Variants in RB1 observed in about 807,000 individuals in gnomAD.
The protein encoded by RB1 is RB transcriptional corepressor 1, also known as retinoblastoma-associated protein.
A neutral mutation model predicts 135.4 loss-of-function variants in RB1; 18 were observed. That is an observed-to-expected ratio of 0.13 (90% confidence interval 0.09 to 0.20). The LOEUF is 0.20. Ranked by LOEUF, RB1 falls within the 10% of genes least tolerant of loss-of-function variation. The pLI is 1.00. For synonymous variants in RB1, 365 were observed against 373.2 expected (o/e 0.98, Z 0.25); for missense variants, 868 against 1,110.0 (o/e 0.78, Z 3.10).
intron 20 of RB1, among the ~76,000 whole-genome samples, chr13:48,462,415 A>G (rs941568039): frequency 1.3e-5 from 2 of 152,202 alleles, no homozygotes; most frequent in African/African-American, 4.8e-5. Context: ...ATGAGCCACC[A>G]TGCCCAGACT....
At chr13:48,339,720 G>A (rs1952425603) in intron 2 of RB1, among the ~76,000 whole-genome samples, 1 of 152,142 alleles carries the variant, frequency 6.6e-6, no homozygotes, top group South Asian at 2.1e-4. Flanking sequence ...GATGAACCTG[G>A]TACCTCAGTT....
chr13:48,376,880 G>C (rs2138136016), intron 12 of RB1, 38 bp from the exon 13 acceptor site: 1 of 1,611,706 alleles, frequency 6.2e-7, no homozygotes, highest in South Asian at 1.1e-5. Context: ...TGATTACACA[G>C]TATCCTCGAC....
intron 12 of RB1, among the ~76,000 whole-genome samples, chr13:48,375,532 C>G (rs1263163392): frequency 2.0e-5 from 3 of 149,316 alleles, no homozygotes; most frequent in African/African-American, 7.3e-5. Context: ...GAAAATGTCG[C>G]CAGACAATGC....
chr13:48,480,318 T>C lies in RB1; in HGVS notation c.*247T>C, dbSNP rs1290634381. 1 of 536,808 alleles carries C rather than the reference T, an allele frequency of 1.9e-6. No homozygotes were observed. The highest frequency in any genetic ancestry group is 1.9e-5 in the African/African-American group (1 of 52,788). 33.3% of individuals were successfully genotyped at this position (536,808 alleles called of 1,614,324 possible). On this transcript the variant is annotated 3_prime_UTR_variant, in exon 27 of 27. Coordinates refer to ENST00000267163, the MANE Select transcript of RB1 (RefSeq NM_000321.3). ...CTGCCATTTAAAAAGTTGTAGCAGA[T>C]TGTTTCCTCTTCCAAAGTAAAATTG...
intron 17 of RB1, among the ~76,000 whole-genome samples, chr13:48,384,370 G>A (rs972121675): frequency 7.6e-4 from 115 of 152,216 alleles, no homozygotes; most frequent in African/African-American, 2.7e-3. Context: ...AGGATACTGT[G>A]TATTTTTCCT....
At chr13:48,363,402 A>G (rs1006058397) in intron 8 of RB1, among the ~76,000 whole-genome samples, 3 of 152,080 alleles carry the variant, frequency 2.0e-5, no homozygotes, top group African/African-American at 4.8e-5. Flanking sequence ...TACATATTTA[A>G]AAAAATGAAC....
intron 17 of RB1, among the ~76,000 whole-genome samples, chr13:48,451,962 C>T (rs766451531): frequency 1.4e-4 from 22 of 151,876 alleles, no homozygotes; most frequent in Non-Finnish European, 1.2e-4. Context: ...GGTGGTATCT[C>T]CCTTGTCATT....
intron 17 of RB1, chr13:48,422,557 TG>T (rs1949022450): frequency 6.6e-6 from 1 of 152,142 alleles, no homozygotes; most frequent in Non-Finnish European, 1.5e-5. Context: ...TTAGGACTGT[TG>T]CCATAATGAC....
intron 17 of RB1, among the ~76,000 whole-genome samples, chr13:48,413,272 T>C (rs145803168): frequency 1.5e-3 from 223 of 152,350 alleles, no homozygotes; most frequent in African/African-American, 4.9e-3. Flanking sequence ...AAATGGTCAC[T>C]GGCTGTTGAA....
chr13:48,318,877 T>C, intron 2 of RB1: 1 of 1,138,984 alleles, frequency 8.8e-7, no homozygotes, highest in Non-Finnish European at 1.3e-6. Context: ...ACGTCTGGAT[T>C]TCCTGATCGA....
At chr13:48,453,825 T>C (rs1949343980) in intron 18 of RB1, among the ~76,000 whole-genome samples, 1 of 152,230 alleles carries the variant, frequency 6.6e-6, no homozygotes, top group Admixed American at 6.5e-5. Flanking sequence ...ATCCATCTCA[T>C]GCTGAGTGAA....
intron 17 of RB1, among the ~76,000 whole-genome samples, chr13:48,432,249 A>G (rs1949137476): frequency 2.0e-5 from 3 of 152,088 alleles, no homozygotes; most frequent in Admixed American, 1.3e-4. Context: ...GGCCTTCTCC[A>G]ATCTGTATTT....
intron 17 of RB1, among the ~76,000 whole-genome samples, chr13:48,384,330 C>G (rs1948557647): frequency 6.6e-6 from 1 of 152,056 alleles, no homozygotes; most frequent in East Asian, 1.9e-4. Flanking sequence ...TAGTGGATAA[C>G]TTTGTGAAGA....
At chr13:48,305,915 T>C (rs1378185859) in intron 1 of RB1, among the ~76,000 whole-genome samples, 2 of 152,222 alleles carry the variant, frequency 1.3e-5, no homozygotes, top group Non-Finnish European at 2.9e-5. Flanking sequence ...GTAATGTAGC[T>C]GGAAGGGAAA....
intron 2 of RB1, among the ~76,000 whole-genome samples, chr13:48,339,522 A>G (rs1952422226): frequency 6.6e-6 from 1 of 152,178 alleles, no homozygotes; most frequent in Admixed American, 6.5e-5. Context: ...ACCATTGGAA[A>G]AGCGCAGTAT....
intron 17 of RB1, among the ~76,000 whole-genome samples, chr13:48,405,497 A>G (rs1308663067): frequency 2.6e-5 from 4 of 152,168 alleles, no homozygotes; most frequent in Non-Finnish European, 4.4e-5. Flanking sequence ...ACTGCATATA[A>G]CAGGAGATGG....
At chr13:48,334,099 AT>A (rs756809554) in intron 2 of RB1, among the ~76,000 whole-genome samples, 7 of 152,248 alleles carry the variant, frequency 4.6e-5, no homozygotes, top group Non-Finnish European at 4.4e-5. Flanking sequence ...GTAAATCTGA[AT>A]TTGCCAGGTA....
chr13:48,330,106 A>AT (rs1477756061), intron 2 of RB1, among the ~76,000 whole-genome samples: 2 of 150,380 alleles, frequency 1.3e-5, no homozygotes, highest in Non-Finnish European at 2.9e-5. Flanking sequence ...CAAAATGGAA[A>AT]TTAAAAAAAA....
intron 17 of RB1, among the ~76,000 whole-genome samples, chr13:48,435,757 G>GT (rs796453501): frequency 5.9e-5 from 9 of 152,098 alleles, no homozygotes; most frequent in African/African-American, 2.2e-4. Flanking sequence ...TTTTTAGGGG[G>GT]TGCTGAGTTG....
Sources: allele counts gnomAD v4.1 joint callset (sites outside exome capture counted in the v4.1 genomes callset), GRCh38; gene constraint gnomAD v4.1.1; transcripts MANE v1.5; gene names NCBI Gene and HGNC (gene_info 2026-07-23, HGNC 2026-07-21).